Variants in TMEM150C observed in about 807,000 individuals in gnomAD.
TMEM150C encodes transmembrane protein 150C.
TMEM150C carries 10 observed loss-of-function variants against 29.9 expected under a neutral mutation model. The ratio of observed to expected loss-of-function variants is 0.33; its 90% CI spans 0.21 to 0.57. TMEM150C has a LOEUF of 0.57. TMEM150C is among the 20% of genes least tolerant of loss of function. The pLI is 0.88. For missense variants in TMEM150C, 251 were observed against 303.6 expected (o/e 0.83, Z 1.29); for synonymous variants, 101 against 112.5 (o/e 0.90, Z 0.64).
At chr4:82,486,792 A>G (rs780362588) in intron 7 of TMEM150C, among the ~76,000 whole-genome samples, 20 of 151,964 alleles carry the variant, frequency 1.3e-4, no homozygotes, top group Admixed American at 3.3e-4. Context: ...GGATATATAT[A>G]TGGAGTGTGT....
intron 6 of TMEM150C, chr4:82,494,948 C>T (rs775122740): frequency 1.7e-4 from 104 of 599,708 alleles, no homozygotes; most frequent in South Asian, 1.1e-3. Flanking sequence ...TTCTCTTGGC[C>T]GAAAGTTTAG....
chr4:82,492,864 G>GTGTATATATA (rs71666742), intron 6 of TMEM150C, among the ~76,000 whole-genome samples: 30 of 90,268 alleles, frequency 3.3e-4, no homozygotes, highest in African/African-American at 1.1e-3. Flanking sequence ...ATATGTTTGT[G>GTGTATATATA]TATATATATA....
chr4:82,540,615 G>C (rs1246709117), intron 1 of TMEM150C, among the ~76,000 whole-genome samples: 1 of 151,998 alleles, frequency 6.6e-6, no homozygotes, highest in East Asian at 1.9e-4. Flanking sequence ...TTTAAAAGAA[G>C]CACCCATTGA....
chr4:82,548,167 A>G (rs1725447845), intron 1 of TMEM150C, among the ~76,000 whole-genome samples: 1 of 152,194 alleles, frequency 6.6e-6, no homozygotes, highest in South Asian at 2.1e-4. Flanking sequence ...ATGGACATAA[A>G]GATGAGGACT....
At chr4:82,533,487 T>A (rs1292723724) in intron 1 of TMEM150C, among the ~76,000 whole-genome samples, 1 of 152,204 alleles carries the variant, frequency 6.6e-6, no homozygotes. Flanking sequence ...CTCTCACAGT[T>A]TTGAGCTGAT....
chr4:82,556,490 T>C (rs1434705766), intron 1 of TMEM150C, among the ~76,000 whole-genome samples: 1 of 152,226 alleles, frequency 6.6e-6, no homozygotes, highest in Non-Finnish European at 1.5e-5. Flanking sequence ...TGAAAAATAC[T>C]ACAGTAAGTG....
intron 1 of TMEM150C, among the ~76,000 whole-genome samples, chr4:82,536,762 T>A (rs1725021297): frequency 6.6e-6 from 1 of 151,996 alleles, no homozygotes; most frequent in South Asian, 2.1e-4. Flanking sequence ...AGGCTAAAAT[T>A]CTGCAAAATT....
intron 5 of TMEM150C, among the ~76,000 whole-genome samples, chr4:82,500,579 T>C (rs957329745): frequency 2.0e-5 from 3 of 152,192 alleles, no homozygotes; most frequent in African/African-American, 7.2e-5. Context: ...AATTGCTTCT[T>C]GGTGGAGCAG....
chr4:82,490,626 T>C (rs1208366182), intron 6 of TMEM150C, among the ~76,000 whole-genome samples: 1 of 152,062 alleles, frequency 6.6e-6, no homozygotes, highest in Non-Finnish European at 1.5e-5. Context: ...TGAGACAGGG[T>C]CTTTACTCTG....
intron 1 of TMEM150C, among the ~76,000 whole-genome samples, chr4:82,550,805 AAG>A (rs1291791505): frequency 3.6e-4 from 55 of 152,162 alleles, no homozygotes; most frequent in Middle Eastern, 3.4e-3. Flanking sequence ...AAAAAAAAGA[AAG>A]AAAGAAAGAA....
At position 82,536,943 on chromosome 4, in the gene TMEM150C, T is replaced by C. The variant is rs571756061; in HGVS notation, c.-11+24963A>G. ...ACATTAGAAGAAATACAAATATTCATAGTAAGTGCACAAAAATTTTGTTCA... is the reference window on the plus strand; with the variant it reads ...ACATTAGAAGAAATACAAATATTCACAGTAAGTGCACAAAAATTTTGTTCA... On this transcript the variant is annotated intron_variant, in intron 1 of 7. Coordinates refer to ENST00000449862, the MANE Select transcript of TMEM150C (RefSeq NM_001080506.3). 1.2e-3 allele frequency among the ~76,000 whole-genome samples: 183 copies of C among 152,276 alleles called. 1 individual carries two copies. Among genetic ancestry groups the C allele is most frequent in the Non-Finnish European group, 2.2e-3 (151 of 68,022 alleles).
chr4:82,525,028 C>G (rs1349111044), intron 1 of TMEM150C, among the ~76,000 whole-genome samples: 1 of 152,132 alleles, frequency 6.6e-6, no homozygotes, highest in Admixed American at 6.5e-5. Flanking sequence ...GCAATGTTCT[C>G]AGAGAGACAC....
At chr4:82,498,118 G>A (rs555360225) in intron 5 of TMEM150C, among the ~76,000 whole-genome samples, 10 of 152,114 alleles carry the variant, frequency 6.6e-5, no homozygotes, top group Admixed American at 5.9e-4. Context: ...GGGTTCAAGC[G>A]GTTCTCCTGC....
chr4:82,527,019 CTTTTTT>C (rs893109064), intron 1 of TMEM150C, among the ~76,000 whole-genome samples: 78 of 74,726 alleles, frequency 1.0e-3, no homozygotes, highest in African/African-American at 3.7e-3. Context: ...CATACTGGGT[CTTTTTT>C]TTTTTTTTTT....
intron 1 of TMEM150C, among the ~76,000 whole-genome samples, chr4:82,508,313 AT>A (rs562782858): frequency 5.3e-4 from 80 of 151,722 alleles, no homozygotes; most frequent in Non-Finnish European, 9.6e-4. Flanking sequence ...TTGTCTTTGC[AT>A]TTTTTCTTTA....
chr4:82,497,152 A>T (rs1452247479), intron 5 of TMEM150C, among the ~76,000 whole-genome samples: 2 of 152,128 alleles, frequency 1.3e-5, no homozygotes, highest in Non-Finnish European at 2.9e-5. Flanking sequence ...TAATCTAAGG[A>T]TGACCTTTTT....
intron 1 of TMEM150C, among the ~76,000 whole-genome samples, chr4:82,542,456 T>C (rs905322827): frequency 2.6e-5 from 4 of 152,132 alleles, no homozygotes; most frequent in African/African-American, 7.2e-5. Flanking sequence ...TATAAATAAG[T>C]AGTCACTCAA....
intron 1 of TMEM150C, among the ~76,000 whole-genome samples, chr4:82,524,130 T>C (rs1578140581): frequency 6.8e-6 from 1 of 146,986 alleles, no homozygotes; most frequent in South Asian, 2.2e-4. Context: ...TAGCAGGGCG[T>C]GGTGGTGGGT....
intron 1 of TMEM150C, among the ~76,000 whole-genome samples, chr4:82,545,859 A>G (rs1422864796): frequency 6.6e-6 from 1 of 152,126 alleles, no homozygotes; most frequent in African/African-American, 2.4e-5. Flanking sequence ...CAGGAGGCGG[A>G]GGTTGCAGTG....
Sources: allele counts gnomAD v4.1 joint callset (sites outside exome capture counted in the v4.1 genomes callset), GRCh38; gene constraint gnomAD v4.1.1; transcripts MANE v1.5; gene names NCBI Gene and HGNC (gene_info 2026-07-23, HGNC 2026-07-21).